The following HLA-DPB1 variants were observed in gnomAD, a reference collection of about 807,000 sequenced individuals.
HLA-DPB1 encodes the protein HLA class II histocompatibility antigen, DP beta 1 chain.
In HLA-DPB1, 30 loss-of-function variants were observed where a neutral mutation model predicts 29.4. The ratio of observed to expected loss-of-function variants is 1.02; its 90% CI spans 0.76 to 1.38. The LOEUF is 1.38. Among genes scored for constraint, HLA-DPB1 ranks in the 40% most tolerant of loss-of-function variants. The probability of loss-of-function intolerance (pLI) is 0.00; values close to 1 mark genes in which losing one functional copy is unlikely to be tolerated. For missense variants in HLA-DPB1, 261 were observed against 327.5 expected, an observed-to-expected ratio of 0.80 and a Z score of 1.57; for synonymous variants, 114 against 134.0, an observed-to-expected ratio of 0.85 and a Z score of 1.03.
intron 2 of HLA-DPB1, among the ~76,000 whole-genome samples, chr6:33,083,228 G>A (rs1414874184): frequency 6.6e-6 from 1 of 152,210 alleles, no homozygotes; most frequent in Admixed American, 6.5e-5. Context: ...AGTAAGGGTT[G>A]TGTGTCAGTT....
At chr6:33,079,463 A>G in intron 1 of HLA-DPB1, 1 of 274,322 alleles carries the variant, frequency 3.6e-6, no homozygotes, top group East Asian at 9.9e-5. Context: ...GGCCTCCCTC[A>G]GACTCCTCAT....
chr6:33,086,029 A>G, intron 4 of HLA-DPB1, 140 bp downstream of exon 4: 1 of 764,854 alleles, frequency 1.3e-6, no homozygotes, highest in Non-Finnish European at 2.2e-6. Flanking sequence ...AACAAACATG[A>G]CCTATAGCGA....
rs980622169 is a variant in HLA-DPB1, at chr6:33,086,595, T to C, written c.*61T>C. 2 of 561,392 alleles carry C rather than the reference T, an allele frequency of 3.6e-6. No individual in the cohort carries two copies. The highest frequency in any genetic ancestry group is 2.0e-5 in the African/African-American group (1 of 50,944). The allele number at this position is 561,392 out of a possible 1,614,324, so 34.8% of individuals were successfully genotyped here. On this transcript the variant is annotated 3_prime_UTR_variant, in exon 6 of 6. Coordinates refer to ENST00000418931, the MANE Select transcript of HLA-DPB1 (RefSeq NM_002121.6). ...CCTTAGGAAAAGCATTTGCTGTGTT[T>C]CGTTAGCATCTGGCTCCAGGACAGA...
chr6:33,087,501 CT>C lies in HLA-DPB1; in HGVS notation c.*970del, dbSNP rs962791087. 1.1e-4 allele frequency among the ~76,000 whole-genome samples: 16 copies of C among 143,810 alleles called. No homozygotes were observed. The highest frequency in any genetic ancestry group is 3.6e-3 in the Middle Eastern group (1 of 278). 94.3% of individuals were successfully genotyped at this position (143,810 alleles called of 152,430 possible). On this transcript the variant is annotated 3_prime_UTR_variant, in exon 6 of 6. Coordinates refer to ENST00000418931, the MANE Select transcript of HLA-DPB1 (RefSeq NM_002121.6). ...AGGTAGAGGACATGTTTGTTGTAAG[CT>C]TTCTTTTTCGTGTAGAGGATGGATT...
rs184799022 is a variant in HLA-DPB1 at position 33,089,249 on chromosome 6, C to G, written c.*2715C>G. Among the ~76,000 whole-genome samples the G allele has an allele frequency of 6.6e-6, 1 of 151,806 alleles. No individual in the cohort carries two copies. Among genetic ancestry groups the G allele is most frequent in the Admixed American group, 6.5e-5 (1 of 15,280 alleles). ...GTCCCTGAAATTACTGTGCACTTGG[C>G]TTATGGGATGAAACATCCTCCTAGT... On this transcript the variant is annotated 3_prime_UTR_variant, in exon 6 of 6. Transcript: ENST00000418931.
Position 33,080,646 on chromosome 6 carries a change from C to G in HLA-DPB1, c.101-26C>G, listed in dbSNP as rs1177642642. Reference sequence around the variant, plus strand: ...GAGGATTAGATGAGAGTGGCGCCTCCGCTCATGTCCGCCCCCTCCCCGCAG... The same window carrying G: ...GAGGATTAGATGAGAGTGGCGCCTCGGCTCATGTCCGCCCCCTCCCCGCAG... On this transcript the variant is annotated intron_variant, in intron 1 of 5. Transcript: ENST00000418931. The surrounding 1 kb of genome is among the most constrained non-coding windows in gnomAD (Gnocchi z 4.3). The G allele has an allele frequency of 6.2e-7, 1 of 1,611,950 alleles. No homozygotes were observed. The highest frequency in any genetic ancestry group is 8.5e-7 in the Non-Finnish European group (1 of 1,179,082).
At chr6:33,078,114 C>T (rs7754299) in intron 1 of HLA-DPB1, among the ~76,000 whole-genome samples, 12,698 of 151,842 alleles carry the variant, frequency 0.084, 554 homozygotes, top group Middle Eastern at 0.17. Flanking sequence ...GTGTTGGGAG[C>T]CACCAAGGAA....
At position 33,077,450 on chromosome 6, in the gene HLA-DPB1, G is replaced by A. The variant is rs187332940; in HGVS notation, c.100+1309G>A. On this transcript the variant is annotated intron_variant, in intron 1 of 5. Transcript: ENST00000418931. Reference sequence around the variant, plus strand: ...TATATATCCAGTAATGGGATGGCTGGGTCAAATGGTATTTCTAGTTCTAGA... The same window carrying A: ...TATATATCCAGTAATGGGATGGCTGAGTCAAATGGTATTTCTAGTTCTAGA... Among the ~76,000 whole-genome samples, 823 of 152,098 alleles carry A rather than the reference G, an allele frequency of 5.4e-3. 9 individuals carry two copies. Among genetic ancestry groups the A allele is most frequent in the African/African-American group, 0.018 (752 of 41,456 alleles).
Position 33,080,941 on chromosome 6 carries a change from T to G in HLA-DPB1, c.364+6T>G, listed in dbSNP as rs1475916924. 1 of 1,577,560 alleles carries G rather than the reference T, an allele frequency of 6.3e-7. No homozygotes were observed. Among genetic ancestry groups the G allele is most frequent in the African/African-American group, 1.3e-5 (1 of 74,276 alleles). The stretch of plus-strand genomic sequence containing the variant: ...CATGACCCTGCAGCGCCGAGGTGAG[T>G]GAGGGCTTTGGGCCGGCGGTCCCAG... On this transcript the variant is annotated splice_donor_region_variant and intron_variant, in intron 2 of 5. Transcript: ENST00000418931. This position sits in a 1 kb window ranked among gnomAD's most constrained non-coding sequence, Gnocchi z 4.3.
At chr6:33,081,156 C>G in intron 2 of HLA-DPB1, 1 of 561,904 alleles carries the variant, frequency 1.8e-6, no homozygotes, top group Non-Finnish European at 3.1e-6. Context: ...AGCAGAGAGA[C>G]CCCCGGGACT....
intron 2 of HLA-DPB1, among the ~76,000 whole-genome samples, chr6:33,084,637 A>G (rs9277443): frequency 0.38 from 57,327 of 151,260 alleles, 12,312 homozygotes; most frequent in East Asian, 0.64. Flanking sequence ...TGTCTCTACT[A>G]ATAATACAAA....
intron 1 of HLA-DPB1, chr6:33,079,405 C>G (rs1362598225): frequency 5.1e-6 from 1 of 194,574 alleles, no homozygotes; most frequent in Non-Finnish European, 1.1e-5. Flanking sequence ...ATGCTGTCTT[C>G]CTCGGTGCTG....
At position 33,075,994 on chromosome 6, in the gene HLA-DPB1, C is replaced by T. The variant is rs1290535779; in HGVS notation, c.-48C>T. ...CAGGAGCTCCCTTTAGCGAGTCCTT[C>T]TTTTCCTGACTGCAGCTCTTTTCAT... On this transcript the variant is annotated 5_prime_UTR_variant, in exon 1 of 6. Coordinates refer to ENST00000418931, the MANE Select transcript of HLA-DPB1 (RefSeq NM_002121.6). 1 of 1,446,260 alleles carries T rather than the reference C, an allele frequency of 6.9e-7. No individual in the cohort carries two copies. The highest frequency in any genetic ancestry group is 1.9e-5 in the Admixed American group (1 of 53,414). 89.6% of individuals were successfully genotyped at this position (1,446,260 alleles called of 1,614,324 possible). A position where few individuals can be genotyped will look rare whatever the true frequency, so the allele number is the denominator to read the frequency against.
chr6:33,079,995 T>A (rs923669142), intron 1 of HLA-DPB1: 12 of 223,332 alleles, frequency 5.4e-5, no homozygotes, highest in Non-Finnish European at 9.9e-5. Flanking sequence ...TTGTGTAAAA[T>A]ACTTTCCACA....
rs757067798 is a variant in HLA-DPB1 at position 33,085,008 on chromosome 6, G to A, written c.423G>A (p.Leu141=). The A allele has an allele frequency of 1.1e-5, 18 of 1,612,072 alleles. 1 individual carries two copies. In the South Asian group the frequency reaches 2.0e-4, roughly 18 times the overall value. The stretch of plus-strand genomic sequence containing the variant: ...AGGGGCCCTTGCAGCACCACAACCT[G>A]CTTGTCTGCCACGTGACGGATTTCT... ...SKKGPLQHHN[L]LVCHVTDFYP... Residue 141 remains leucine, a synonymous_variant, in exon 3 of 6, where the codon CTG becomes CTA. Transcript: ENST00000418931.
intron 2 of HLA-DPB1, chr6:33,082,089 G>A (rs1379613933): frequency 6.6e-6 from 1 of 152,298 alleles, no homozygotes; most frequent in African/African-American, 2.4e-5. Flanking sequence ...AAAGTGAAAG[G>A]AAGTTCACCT....
chr6:33,080,693 G>A lies in HLA-DPB1; in HGVS notation c.122G>A (p.Arg41Gln). ...GCAGAGAATTACCTTTTCCAGGGAC[G>A]GCAGGAATGCTACGCGTTTAATGGG... ...ATPENYLFQG[R>Q]QECYAFNGTQ... Residue 41 changes from arginine to glutamine, a missense_variant, in exon 2 of 6, where the codon CGG becomes CAG. Transcript: ENST00000418931. The surrounding 1 kb of genome is among the most constrained non-coding windows in gnomAD (Gnocchi z 4.3). 2 of 1,612,942 alleles carry A rather than the reference G, an allele frequency of 1.2e-6. No individual in the cohort carries two copies. Among genetic ancestry groups the A allele is most frequent in the Non-Finnish European group, 1.7e-6 (2 of 1,179,640 alleles).
Position 33,085,796 on chromosome 6 carries a change from G to T in HLA-DPB1, c.664G>T (p.Ala222Ser), listed in dbSNP as rs1763068028. 6.2e-7 allele frequency: 1 copy of T among 1,613,808 alleles called. No homozygotes were observed. The highest frequency in any genetic ancestry group is 1.7e-5 in the Admixed American group (1 of 60,002). The change falls in exon 4 of 6, where the codon GCC (alanine) becomes TCC (serine). Residue 222 changes from alanine (A) to serine (S), a missense_variant. Ala to Ser is a moderately conservative substitution (Grantham distance 99). Transcript: ENST00000418931. ...CTTCCCAGAGGCACAGTCTGATTCT[G>T]CCCGGAGTAAGACATTGACGGGAGC... ...TVEWKAQSDS[A>S]RSKTLTGAGG...
chr6:33,080,318 C>T lies in HLA-DPB1; in HGVS notation c.101-354C>T. ...GCAGCTCCGCCCTCCACGTCCCCAG[C>T]TCCTCCCGCCCCTGTTTTTTCTCCC... is the stretch of plus-strand genomic sequence containing the variant. On this transcript the variant is annotated intron_variant, in intron 1 of 5. Coordinates refer to ENST00000418931, the MANE Select transcript of HLA-DPB1 (RefSeq NM_002121.6). This position sits in a 1 kb window ranked among gnomAD's most constrained non-coding sequence, Gnocchi z 4.3. 1 of 459,550 alleles carries T rather than the reference C, an allele frequency of 2.2e-6. No individual in the cohort carries two copies. Among genetic ancestry groups the T allele is most frequent in the Non-Finnish European group, 4.3e-6 (1 of 233,588 alleles). 28.5% of individuals were successfully genotyped at this position (459,550 alleles called of 1,614,324 possible). A position where few individuals can be genotyped will look rare whatever the true frequency, so the allele number is the denominator to read the frequency against.
Sources: gnomAD v4.1 joint callset for allele counts (sites outside exome capture counted in the v4.1 genomes callset) on GRCh38, gnomAD v4.1.1 for gene constraint, Gnocchi (gnomAD v3.1) non-coding constraint, MANE v1.5 for transcripts, NCBI Gene and HGNC (gene_info 2026-07-23, HGNC 2026-07-21) for gene names.